SNTB2: variants seen among roughly 807,000 people sequenced by gnomAD.
SNTB2 encodes beta-2-syntrophin.
Under a neutral mutation model 46.2 loss-of-function variants are expected in SNTB2, and 34 were observed. The observed-to-expected ratio is 0.74, with a 90% confidence interval of 0.56 to 0.98. The LOEUF (loss-of-function observed/expected upper bound fraction) is 0.98, where lower values mean the gene tolerates loss of function less well. SNTB2 is among the 50% of genes least tolerant of loss of function. SNTB2 has a pLI of 0.00. For missense variants in SNTB2, 603 were observed against 731.4 expected (o/e 0.82, Z 2.02); for synonymous variants, 290 against 312.6 (o/e 0.93, Z 0.76).
intron 3 of SNTB2, among the ~76,000 whole-genome samples, chr16:69,260,752 A>T (rs1290437675): frequency 6.6e-6 from 1 of 152,170 alleles, no homozygotes; most frequent in African/African-American, 2.4e-5. Context: ...ATAGTTTCCC[A>T]ACCCTTGTTC....
intron 5 of SNTB2, among the ~76,000 whole-genome samples, chr16:69,289,193 C>T (rs1344422308): frequency 1.3e-5 from 2 of 148,308 alleles, no homozygotes; most frequent in Admixed American, 1.4e-4. Flanking sequence ...TGCTTGAACC[C>T]GGGAGGCAGA....
intron 1 of SNTB2, among the ~76,000 whole-genome samples, chr16:69,202,686 G>T (rs1006787909): frequency 6.6e-6 from 1 of 151,590 alleles, no homozygotes; most frequent in Admixed American, 6.6e-5. Context: ...AGCAATTCTC[G>T]TGCTTCAGCC....
intron 4 of SNTB2, among the ~76,000 whole-genome samples, chr16:69,282,490 C>T (rs1361164995): frequency 1.3e-5 from 2 of 151,962 alleles, no homozygotes; most frequent in African/African-American, 4.8e-5. Flanking sequence ...ATTACTGTAG[C>T]TTTATAGTAA....
At chr16:69,194,945 G>A (rs143043466) in intron 1 of SNTB2, among the ~76,000 whole-genome samples, 434 of 152,294 alleles carry the variant, frequency 2.8e-3, no homozygotes, top group Non-Finnish European at 5.2e-3. Context: ...ATAGACAGCT[G>A]TAAAACAAAA....
intron 1 of SNTB2, among the ~76,000 whole-genome samples, chr16:69,245,280 G>A (rs1460674059): frequency 9.2e-5 from 14 of 152,020 alleles, no homozygotes; most frequent in Admixed American, 2.0e-4. Flanking sequence ...TGCAGCCACC[G>A]CCTCCCGGGT....
At position 69,304,990 on chromosome 16, in the gene SNTB2, AAATT is replaced by A. The variant is rs1965305828; in HGVS notation, c.*4069_*4072del. 3 of 152,210 alleles carry A rather than the reference AAATT, an allele frequency of 2.0e-5. No homozygotes were observed. Among genetic ancestry groups the A allele is most frequent in the South Asian group, 4.1e-4 (2 of 4,822 alleles). The allele number at this position is 152,210 out of a possible 1,614,324, so 9.4% of individuals were successfully genotyped here. ...GCCCCAGAAATTATGCTTAAAAAAA[AAATT>A]AAGCTGTGTGGAATCTGGACAAGGC... On this transcript the variant is annotated 3_prime_UTR_variant, in exon 7 of 7. Coordinates refer to ENST00000336278, the MANE Select transcript of SNTB2 (RefSeq NM_006750.4).
At chr16:69,215,429 G>A (rs1358105123) in intron 1 of SNTB2, among the ~76,000 whole-genome samples, 3 of 152,112 alleles carry the variant, frequency 2.0e-5, no homozygotes, top group African/African-American at 7.2e-5. Flanking sequence ...TATTAAAGAA[G>A]CCATTATGGT....
intron 1 of SNTB2, among the ~76,000 whole-genome samples, chr16:69,202,992 T>C (rs1432468492): frequency 6.6e-6 from 1 of 152,138 alleles, no homozygotes; most frequent in African/African-American, 2.4e-5. Context: ...AGTTCTAGGA[T>C]TAAAGGTGTG....
intron 1 of SNTB2, among the ~76,000 whole-genome samples, chr16:69,202,470 A>G (rs967390813): frequency 6.6e-6 from 1 of 151,302 alleles, no homozygotes; most frequent in Non-Finnish European, 1.5e-5. Flanking sequence ...TGGCATGATC[A>G]TATCTTACTG....
At chr16:69,225,705 A>G (rs1377611745) in intron 1 of SNTB2, among the ~76,000 whole-genome samples, 1 of 152,224 alleles carries the variant, frequency 6.6e-6, no homozygotes, top group Non-Finnish European at 1.5e-5. Context: ...TTGTGTGTCA[A>G]ACATTTTAAA....
chr16:69,196,210 G>C (rs1964104111), intron 1 of SNTB2, among the ~76,000 whole-genome samples: 1 of 152,120 alleles, frequency 6.6e-6, no homozygotes, highest in South Asian at 2.1e-4. Context: ...CTATACTCCA[G>C]CTTGGGCAAT....
intron 5 of SNTB2, among the ~76,000 whole-genome samples, chr16:69,293,162 G>A (rs894443090): frequency 2.6e-5 from 4 of 151,926 alleles, no homozygotes; most frequent in African/African-American, 9.7e-5. Context: ...AAGAGAGAGG[G>A]CCCTTCTCTT....
rs753623224 is a variant in SNTB2 at position 69,273,563 on chromosome 16, C to T, written c.1148+3278C>T. Among the ~76,000 whole-genome samples, 10 of 152,122 alleles carry T rather than the reference C, an allele frequency of 6.6e-5. No homozygotes were observed. The South Asian group carries it at 8.3e-4, about 13-fold the overall frequency. ...AGACAGAAGGTAGATTAGTGGTTGC[C>T]GGCGGGGGAGCTAATGGGTACAGGA... is the stretch of plus-strand genomic sequence containing the variant. On this transcript the variant is annotated intron_variant, in intron 4 of 6. Transcript: ENST00000336278.
chr16:69,289,498 T>G (rs1472681735), intron 5 of SNTB2, among the ~76,000 whole-genome samples: 1 of 152,178 alleles, frequency 6.6e-6, no homozygotes, highest in Non-Finnish European at 1.5e-5. Flanking sequence ...ACTTAAAATG[T>G]TCCCAACATA....
chr16:69,198,203 G>A (rs1011023196), intron 1 of SNTB2, among the ~76,000 whole-genome samples: 2 of 151,644 alleles, frequency 1.3e-5, no homozygotes, highest in Non-Finnish European at 2.9e-5. Flanking sequence ...CCACCTCGCG[G>A]GTTCAAGCGA....
intron 5 of SNTB2, among the ~76,000 whole-genome samples, chr16:69,293,570 A>G (rs1374333281): frequency 6.6e-6 from 1 of 152,182 alleles, no homozygotes; most frequent in Non-Finnish European, 1.5e-5. Flanking sequence ...AACTGAGTAG[A>G]CAGCTCTTTC....
intron 1 of SNTB2, among the ~76,000 whole-genome samples, chr16:69,237,603 C>CTTTTTTTTTTTTTTTTTT (rs397706857): frequency 1.4e-4 from 17 of 118,738 alleles, no homozygotes; most frequent in Non-Finnish European, 1.9e-4. Flanking sequence ...TTCTTTCTTT[C>CTTTTTTTTTTTTTTTTTT]TTTTTTTTTT....
At chr16:69,279,143 TTATATC>T (rs778592391) in intron 4 of SNTB2, among the ~76,000 whole-genome samples, 139 of 152,224 alleles carry the variant, frequency 9.1e-4, no homozygotes, top group South Asian at 1.7e-3. Flanking sequence ...AAAACAAACT[TTATATC>T]TATTGAACAA....
Position 69,219,837 on chromosome 16 carries a change from G to A in SNTB2, c.581-25765G>A, listed in dbSNP as rs541590752. Among the ~76,000 whole-genome samples the A allele has an allele frequency of 4.4e-4, 66 of 150,504 alleles. No homozygotes were observed. The Middle Eastern group carries it at 0.014, about 31-fold the overall frequency. ...GCGATCTTGGCTCACTGCAACCTCC[G>A]ACTCCCTGGTTTAAGCAATTCTCCT... On this transcript the variant is annotated intron_variant, in intron 1 of 6. Coordinates refer to ENST00000336278, the MANE Select transcript of SNTB2 (RefSeq NM_006750.4).
Sources: allele counts gnomAD v4.1 joint callset (sites outside exome capture counted in the v4.1 genomes callset), GRCh38; gene constraint gnomAD v4.1.1; transcripts MANE v1.5; gene names NCBI Gene and HGNC (gene_info 2026-07-23, HGNC 2026-07-21).